Variants in DOK6 observed in about 807,000 individuals in gnomAD.
DOK6 encodes docking protein 6.
A neutral mutation model predicts 44.0 loss-of-function variants in DOK6; 22 were observed. The ratio of observed to expected loss-of-function variants is 0.50; its 90% CI spans 0.36 to 0.71. The LOEUF (loss-of-function observed/expected upper bound fraction) is 0.71. DOK6 is among the 30% of genes least tolerant of loss of function. DOK6 has a pLI of 0.00. For synonymous variants in DOK6, 166 were observed against 145.5 expected, an observed-to-expected ratio of 1.14 and a Z score of -1.01; for missense variants, 340 against 416.4, an observed-to-expected ratio of 0.82 and a Z score of 1.60.
At position 69,694,002 on chromosome 18, in the gene DOK6, C is replaced by T. The variant is rs901202540; in HGVS notation, c.410-4402C>T. On this transcript the variant is annotated intron_variant, in intron 4 of 7. Transcript: ENST00000382713. ...TGAACCCGGGAGGCGGAGCTTGCAG[C>T]GAGCCGAGATCCCGCCACCGCACTC... is the stretch of plus-strand genomic sequence containing the variant. Among the ~76,000 whole-genome samples the T allele has an allele frequency of 2.1e-3, 278 of 131,326 alleles. 2 individuals carry two copies. The highest frequency in any genetic ancestry group is 4.2e-3 in the African/African-American group (144 of 34,398). The allele number at this position is 131,326 out of a possible 152,430, so 86.2% of individuals were successfully genotyped here.
At chr18:69,815,657 A>T (rs1295711577) in intron 7 of DOK6, among the ~76,000 whole-genome samples, 1 of 152,180 alleles carries the variant, frequency 6.6e-6, no homozygotes, top group Non-Finnish European at 1.5e-5. Context: ...TATGTATTTT[A>T]AGTTGAACTG....
intron 3 of DOK6, among the ~76,000 whole-genome samples, chr18:69,606,854 C>T (rs1984011310): frequency 6.6e-6 from 1 of 150,932 alleles, no homozygotes; most frequent in African/African-American, 2.4e-5. Flanking sequence ...ACCTCCGCCT[C>T]CCAGGTTCAA....
chr18:69,742,147 G>C (rs1313810492), intron 6 of DOK6, among the ~76,000 whole-genome samples: 1 of 152,106 alleles, frequency 6.6e-6, no homozygotes, highest in East Asian at 1.9e-4. Flanking sequence ...AGGCACGGTG[G>C]CTCATGCCTG....
At chr18:69,499,219 G>GTGTA (rs1980981584) in intron 1 of DOK6, among the ~76,000 whole-genome samples, 1 of 151,660 alleles carries the variant, frequency 6.6e-6, no homozygotes, top group African/African-American at 2.4e-5. Flanking sequence ...ATATATATGT[G>GTGTA]TGTATGTATA....
chr18:69,779,200 G>T (rs1980175848), intron 7 of DOK6, among the ~76,000 whole-genome samples: 1 of 151,964 alleles, frequency 6.6e-6, no homozygotes, highest in Non-Finnish European at 1.5e-5. Context: ...GGACTTAACT[G>T]TCCCAAATGG....
Position 69,494,896 on chromosome 18 carries a change from A to G in DOK6, c.67-69591A>G, listed in dbSNP as rs189264897. Among the ~76,000 whole-genome samples, 628 of 152,212 alleles carry G rather than the reference A, an allele frequency of 4.1e-3. 3 individuals carry two copies. Among genetic ancestry groups the G allele is most frequent in the Non-Finnish European group, 7.2e-3 (493 of 68,014 alleles). ...TTTGTGTGAGTTTTGCTTGGGCCCA[A>G]TGGGCTCATTGCACCCACTTAGCTT... On this transcript the variant is annotated intron_variant, in intron 1 of 7. Transcript: ENST00000382713.
intron 6 of DOK6, among the ~76,000 whole-genome samples, chr18:69,743,315 A>G (rs1406837491): frequency 6.6e-6 from 1 of 152,236 alleles, no homozygotes; most frequent in Non-Finnish European, 1.5e-5. Context: ...CAGAGCTAGC[A>G]GAGTTCTTTG....
intron 2 of DOK6, among the ~76,000 whole-genome samples, chr18:69,582,460 C>T (rs2144610824): frequency 6.6e-6 from 1 of 152,228 alleles, no homozygotes; most frequent in Middle Eastern, 3.4e-3. Flanking sequence ...AGTAAAATTT[C>T]CTAGCCTTTT....
At chr18:69,572,676 A>G (rs1280586355) in intron 2 of DOK6, among the ~76,000 whole-genome samples, 2 of 152,074 alleles carry the variant, frequency 1.3e-5, no homozygotes, top group East Asian at 3.8e-4. Context: ...ATCTAGGGAA[A>G]AGAACAGTAA....
At chr18:69,587,569 C>T (rs148057519) in intron 2 of DOK6, among the ~76,000 whole-genome samples, 433 of 152,198 alleles carry the variant, frequency 2.8e-3, no homozygotes, top group African/African-American at 9.6e-3. Context: ...TCCCAGGACC[C>T]GCTGTGCAAC....
intron 3 of DOK6, among the ~76,000 whole-genome samples, chr18:69,633,801 G>A (rs1462460131): frequency 2.6e-5 from 4 of 152,094 alleles, no homozygotes; most frequent in Non-Finnish European, 5.9e-5. Flanking sequence ...ATATGTTGAA[G>A]AAATGATTGT....
At chr18:69,740,302 T>C (rs1453740954) in intron 6 of DOK6, among the ~76,000 whole-genome samples, 1 of 152,226 alleles carries the variant, frequency 6.6e-6, no homozygotes, top group African/African-American at 2.4e-5. Flanking sequence ...ATCAACGTGA[T>C]GTTTTTCTAG....
At chr18:69,535,651 A>T (rs577023525) in intron 1 of DOK6, among the ~76,000 whole-genome samples, 4 of 151,884 alleles carry the variant, frequency 2.6e-5, no homozygotes, top group African/African-American at 9.6e-5. Context: ...TCTGATTTTT[A>T]AGAGTATTAC....
chr18:69,554,480 A>G (rs1325192871), intron 1 of DOK6, among the ~76,000 whole-genome samples: 1 of 152,150 alleles, frequency 6.6e-6, no homozygotes, highest in Non-Finnish European at 1.5e-5. Flanking sequence ...AACGTTTTTG[A>G]GATTTGCACG....
chr18:69,802,868 A>T (rs1230700101), intron 7 of DOK6, among the ~76,000 whole-genome samples: 1 of 152,182 alleles, frequency 6.6e-6, no homozygotes, highest in Non-Finnish European at 1.5e-5. Flanking sequence ...AGTCCTAGGT[A>T]TTCTTTATAG....
intron 7 of DOK6, among the ~76,000 whole-genome samples, chr18:69,834,245 G>A: frequency 6.6e-6 from 1 of 152,176 alleles, no homozygotes; most frequent in African/African-American, 2.4e-5. Context: ...ATGGAACTAG[G>A]GTCATTATGT....
intron 7 of DOK6, among the ~76,000 whole-genome samples, chr18:69,775,803 A>G (rs924789357): frequency 1.3e-5 from 2 of 151,970 alleles, no homozygotes; most frequent in Admixed American, 1.3e-4. Flanking sequence ...GAAAACATCT[A>G]AAGTTTAAGA....
intron 3 of DOK6, among the ~76,000 whole-genome samples, chr18:69,659,516 G>A (rs80123295): frequency 0.018 from 2,666 of 152,270 alleles, 99 homozygotes; most frequent in East Asian, 0.13. Flanking sequence ...GCTCACGTTT[G>A]CCAGCTGAAT....
At chr18:69,798,090 G>A (rs531634323) in intron 7 of DOK6, among the ~76,000 whole-genome samples, 42 of 152,092 alleles carry the variant, frequency 2.8e-4, no homozygotes, top group Non-Finnish European at 4.6e-4. Context: ...GGACATATCC[G>A]CAGGTCAGTC....
Sources: allele counts gnomAD v4.1 joint callset (sites outside exome capture counted in the v4.1 genomes callset), GRCh38; gene constraint gnomAD v4.1.1; transcripts MANE v1.5; gene names NCBI Gene and HGNC (gene_info 2026-07-23, HGNC 2026-07-21).